Variants in FGF14 observed in about 807,000 individuals in gnomAD.
FGF14 encodes the protein fibroblast growth factor 14.
FGF14 carries 5 observed loss-of-function variants against 25.5 expected under a neutral mutation model. That is an observed-to-expected ratio of 0.20 (90% CI 0.10 to 0.41). FGF14 has a LOEUF of 0.41. Among genes scored for constraint, FGF14 ranks in the 10% least tolerant of loss-of-function variants. The pLI is 1.00. For synonymous variants in FGF14, 138 were observed against 118.3 expected, an observed-to-expected ratio of 1.17 and a Z score of -1.08; for missense variants, 222 against 320.1, an observed-to-expected ratio of 0.69 and a Z score of 2.34.
rs534970248 is a variant in FGF14 at position 102,101,964 on chromosome 13, A to G, written c.209-226668T>C. ...GTGATCCACCTGTCTCGGCCTCCCA[A>G]AGTGCTGGGATTACAGGCGTGAGCC... is the stretch of plus-strand genomic sequence containing the variant. On this transcript the variant is annotated intron_variant, in intron 1 of 4. Coordinates refer to the FGF14 transcript ENST00000376131. Among the ~76,000 whole-genome samples, 317 of 152,226 alleles carry G rather than the reference A, an allele frequency of 2.1e-3. 2 individuals carry two copies. The highest frequency in any genetic ancestry group is 6.8e-3 in the African/African-American group (284 of 41,564).
chr13:102,272,683 C>A (rs910555968), intron 1 of FGF14, among the ~76,000 whole-genome samples: 1 of 151,994 alleles, frequency 6.6e-6, no homozygotes, highest in African/African-American at 2.4e-5. Flanking sequence ...TGTCATTATC[C>A]CAATTTTACA....
intron 1 of FGF14, among the ~76,000 whole-genome samples, chr13:102,159,443 T>A: frequency 6.6e-6 from 1 of 152,172 alleles, no homozygotes; most frequent in East Asian, 1.9e-4. Context: ...ATAGAATTCC[T>A]CATTAATTGT....
chr13:101,965,090 GAAAA>G, intron 1 of FGF14, among the ~76,000 whole-genome samples: 1 of 150,944 alleles, frequency 6.6e-6, no homozygotes, highest in African/African-American at 2.4e-5. Flanking sequence ...TAAAAATACA[GAAAA>G]AAAAATTAGC....
intron 3 of FGF14, among the ~76,000 whole-genome samples, chr13:101,789,842 T>G (rs74922208): frequency 0.036 from 1,204 of 33,674 alleles, 18 homozygotes; most frequent in African/African-American, 0.048. Context: ...GCTTCTATTA[T>G]GCCTCAGACA....
intron 3 of FGF14, among the ~76,000 whole-genome samples, chr13:101,816,304 T>C (rs9585785): frequency 0.18 from 23,728 of 133,722 alleles, 2,648 homozygotes; most frequent in Admixed American, 0.21. Context: ...ACCCGAAATC[T>C]AAAGGGAGAT....
intron 1 of FGF14, among the ~76,000 whole-genome samples, chr13:102,011,020 G>T (rs2040051171): frequency 6.6e-6 from 1 of 152,064 alleles, no homozygotes; most frequent in Non-Finnish European, 1.5e-5. Flanking sequence ...TTTTAATAAT[G>T]CCATTGTTCA....
chr13:102,349,822 T>A (rs945379865), intron 1 of FGF14, among the ~76,000 whole-genome samples: 2 of 152,218 alleles, frequency 1.3e-5, no homozygotes, highest in African/African-American at 4.8e-5. Flanking sequence ...TATGGGAAAT[T>A]GTGGTGCAAC....
chr13:102,088,609 C>A (rs2044030853), intron 1 of FGF14, among the ~76,000 whole-genome samples: 1 of 152,006 alleles, frequency 6.6e-6, no homozygotes, highest in Non-Finnish European at 1.5e-5. Context: ...CAAAGTCAAT[C>A]CATAAGGTAT....
intron 1 of FGF14, among the ~76,000 whole-genome samples, chr13:102,173,517 T>A (rs753806987): frequency 6.6e-6 from 1 of 152,158 alleles, no homozygotes; most frequent in Non-Finnish European, 1.5e-5. Flanking sequence ...CTTGAAGAGA[T>A]ATCTGCACTC....
intron 1 of FGF14, among the ~76,000 whole-genome samples, chr13:102,291,907 G>A (rs2054423293): frequency 6.6e-6 from 1 of 152,040 alleles, no homozygotes; most frequent in Non-Finnish European, 1.5e-5. Context: ...TGGTGCCTGT[G>A]GTGCCTACTT....
chr13:101,762,132 G>A lies in FGF14; in HGVS notation c.409-35322C>T, dbSNP rs183567626. The stretch of plus-strand genomic sequence containing the variant: ...GGTAAAGCCAAAATCCAAATGGTAG[G>A]AGCATTTTGTCTGATTTCTAGTAGC... On this transcript the variant is annotated intron_variant, in intron 3 of 4. Transcript: ENST00000376143. Among the ~76,000 whole-genome samples, 181 of 152,302 alleles carry A rather than the reference G, an allele frequency of 1.2e-3. 1 individual carries two copies. The highest frequency in any genetic ancestry group is 2.9e-4 in the Non-Finnish European group (20 of 68,032).
At chr13:102,064,537 T>C (rs950642263) in intron 1 of FGF14, among the ~76,000 whole-genome samples, 1 of 151,786 alleles carries the variant, frequency 6.6e-6, no homozygotes. Context: ...AGTAAAACAA[T>C]ATAAATATAT....
chr13:102,305,652 A>G (rs1156804920), intron 1 of FGF14, among the ~76,000 whole-genome samples: 1 of 152,192 alleles, frequency 6.6e-6, no homozygotes, highest in Non-Finnish European at 1.5e-5. Context: ...CATTCCACAT[A>G]TGAGTTCAGT....
At chr13:101,941,088 C>T (rs77300133) in intron 1 of FGF14, among the ~76,000 whole-genome samples, 7,258 of 152,190 alleles carry the variant, frequency 0.048, 477 homozygotes, top group African/African-American at 0.15. Flanking sequence ...AGCAACATTG[C>T]GGAGCGATTT....
At chr13:102,009,964 T>C (rs917710541) in intron 1 of FGF14, among the ~76,000 whole-genome samples, 8 of 152,148 alleles carry the variant, frequency 5.3e-5, no homozygotes, top group African/African-American at 1.7e-4. Context: ...GACTATAAAA[T>C]TTCATGATCT....
chr13:101,850,778 TAG>T (rs973953221), intron 3 of FGF14, among the ~76,000 whole-genome samples: 4 of 150,356 alleles, frequency 2.7e-5, no homozygotes, highest in African/African-American at 9.8e-5. Flanking sequence ...TATTGCCCAA[TAG>T]ATTTTTGCTC....
At chr13:101,940,886 A>G (rs1374379146) in intron 1 of FGF14, among the ~76,000 whole-genome samples, 1 of 152,176 alleles carries the variant, frequency 6.6e-6, no homozygotes, top group Non-Finnish European at 1.5e-5. Context: ...TTCATAAGCA[A>G]ATTTTTCATA....
chr13:102,285,925 T>C (rs138191003), intron 1 of FGF14, among the ~76,000 whole-genome samples: 11 of 152,142 alleles, frequency 7.2e-5, no homozygotes, highest in Non-Finnish European at 1.3e-4. Context: ...AGATAGAGGA[T>C]TGGTGAGGAA....
intron 1 of FGF14, among the ~76,000 whole-genome samples, chr13:102,397,772 C>A (rs981552781): frequency 1.3e-5 from 2 of 152,060 alleles, no homozygotes; most frequent in Non-Finnish European, 1.5e-5. Context: ...AGTGCAGTGA[C>A]CTAGATTATT....
Sources: allele counts gnomAD v4.1 joint callset (sites outside exome capture counted in the v4.1 genomes callset), GRCh38; gene constraint gnomAD v4.1.1; transcripts MANE v1.5; gene names NCBI Gene and HGNC (gene_info 2026-07-23, HGNC 2026-07-21).